The following MLIP variants were observed in gnomAD, a reference collection of about 807,000 sequenced individuals.
The protein encoded by MLIP is muscular LMNA interacting protein.
A neutral mutation model predicts 84.8 loss-of-function variants in MLIP; 79 were observed. That is an observed-to-expected ratio of 0.93 (90% CI 0.78 to 1.12). The LOEUF is 1.12. Among genes scored for constraint, MLIP ranks in the 50% most tolerant of loss-of-function variants. The probability of loss-of-function intolerance (pLI) is 0.00; values close to 1 mark genes in which losing one functional copy is unlikely to be tolerated. For missense variants in MLIP, 1,257 were observed against 1,160.6 expected, an observed-to-expected ratio of 1.08 and a Z score of -1.21; for synonymous variants, 504 against 463.0, an observed-to-expected ratio of 1.09 and a Z score of -1.14.
Position 54,124,516 on chromosome 6 carries a change from AAG to A in MLIP, c.304_305del (p.Asp102ProfsTer32). 16 of 1,614,188 alleles carry A rather than the reference AAG, an allele frequency of 9.9e-6. No homozygotes were observed. Among genetic ancestry groups the A allele is most frequent in the Non-Finnish European group, 1.4e-5 (16 of 1,180,022 alleles). ...TTGACCTTGAATGCTGGGAGCCAAC[AAG>A]AGAGAGACCAAGCGAAATTGACTTG... On this transcript the variant is annotated frameshift_variant, in exon 3 of 14. Coordinates refer to ENST00000502396, the MANE Select transcript of MLIP (RefSeq NM_001281747.2). LOFTEE classifies it high-confidence loss of function.
At chr6:54,249,820 G>A (rs971857014) in intron 12 of MLIP, among the ~76,000 whole-genome samples, 9 of 151,552 alleles carry the variant, frequency 5.9e-5, no homozygotes, top group Non-Finnish European at 1.3e-4. Flanking sequence ...TTTTAAGTTT[G>A]GGGGTCCATT....
rs1301743427 is a variant in MLIP, at chr6:54,220,660, ATAACATTTGTT to A, written c.2719-10052_2719-10042del. On this transcript the variant is annotated intron_variant, in intron 11 of 13. Coordinates refer to ENST00000502396, the MANE Select transcript of MLIP (RefSeq NM_001281747.2). ...ATAGATTTTAAAATATTCTCAGTTT[ATAACATTTGTT>A]TTCTAAATATGAAATATACAGAAAG... 1.6e-4 allele frequency among the ~76,000 whole-genome samples: 25 copies of A among 152,346 alleles called. No individual in the cohort carries two copies. In the East Asian group the frequency reaches 4.6e-3, roughly 28 times the overall value.
At chr6:54,146,210 C>T (rs1772816651) in intron 4 of MLIP, among the ~76,000 whole-genome samples, 5 of 152,100 alleles carry the variant, frequency 3.3e-5, no homozygotes, top group Admixed American at 2.6e-4. Context: ...TAATTCCAAC[C>T]TCCTTTCTTG....
At chr6:54,082,222 T>A (rs1270231391) in intron 1 of MLIP, among the ~76,000 whole-genome samples, 1 of 152,198 alleles carries the variant, frequency 6.6e-6, no homozygotes, top group African/African-American at 2.4e-5. Flanking sequence ...ATATATTATA[T>A]TTATTTATCT....
chr6:54,110,619 GT>G (rs1769382150), upstream of MLIP, among the ~76,000 whole-genome samples: 1 of 152,238 alleles, frequency 6.6e-6, no homozygotes, highest in Non-Finnish European at 1.5e-5. Context: ...CATAATCTAG[GT>G]TTCTAAAATA....
intron 1 of MLIP, among the ~76,000 whole-genome samples, chr6:54,039,979 G>A (rs1308641797): frequency 2.0e-5 from 3 of 151,964 alleles, no homozygotes; most frequent in African/African-American, 7.2e-5. Context: ...AATGCATTTG[G>A]CCTGAAAAAG....
At chr6:54,216,548 C>T (rs971957453) in intron 11 of MLIP, 5 of 984,418 alleles carry the variant, frequency 5.1e-6, no homozygotes, top group Non-Finnish European at 6.0e-6. Flanking sequence ...CAACCATACA[C>T]TTTAAGCACT....
Position 54,077,071 on chromosome 6 carries a change from C to A in MLIP, c.64-44376C>A, listed in dbSNP as rs527702124. 7.9e-5 allele frequency among the ~76,000 whole-genome samples: 12 copies of A among 152,248 alleles called. No individual in the cohort carries two copies. The East Asian group carries it at 2.1e-3, about 27-fold the overall frequency. Reference sequence around the variant, plus strand: ...CCTCAGCTTCATCAAATTTACTTTGCCTGTTGCTTTGCCAGATATTTTTAG... The same window carrying A: ...CCTCAGCTTCATCAAATTTACTTTGACTGTTGCTTTGCCAGATATTTTTAG... On this transcript the variant is annotated intron_variant, in intron 1 of 12. Coordinates refer to the MLIP transcript ENST00000274897.
chr6:54,163,208 T>C (rs1466481922), intron 8 of MLIP, among the ~76,000 whole-genome samples: 1 of 151,988 alleles, frequency 6.6e-6, no homozygotes, highest in Non-Finnish European at 1.5e-5. Flanking sequence ...ATATTTATAA[T>C]TTCTAATTCT....
chr6:54,095,735 G>A lies in MLIP; in HGVS notation c.64-25712G>A, dbSNP rs141320012. Among the ~76,000 whole-genome samples, 5 of 152,324 alleles carry A rather than the reference G, an allele frequency of 3.3e-5. No individual in the cohort carries two copies. In the East Asian group the frequency reaches 5.8e-4, roughly 18 times the overall value. On this transcript the variant is annotated intron_variant, in intron 1 of 12. Coordinates refer to the MLIP transcript ENST00000274897. The stretch of plus-strand genomic sequence containing the variant: ...GCTTCGAGTGAAAGAGCTTATGAGA[G>A]AAGAGTAAAAACAACAGCGGAAGCT...
At chr6:54,259,144 A>T (rs1400240367) in intron 13 of MLIP, among the ~76,000 whole-genome samples, 1 of 151,744 alleles carries the variant, frequency 6.6e-6, no homozygotes, top group African/African-American at 2.4e-5. Flanking sequence ...GCATTATCTT[A>T]TGCATTTATT....
intron 9 of MLIP, among the ~76,000 whole-genome samples, chr6:54,183,952 G>A (rs1196255034): frequency 3.3e-5 from 5 of 152,018 alleles, no homozygotes. Flanking sequence ...TGGATTCATT[G>A]TTTTGACCAG....
intron 4 of MLIP, among the ~76,000 whole-genome samples, chr6:54,142,970 CT>C (rs1176528309): frequency 6.6e-6 from 1 of 151,888 alleles, no homozygotes; most frequent in Non-Finnish European, 1.5e-5. Context: ...TTGTTTTTCT[CT>C]TTTTATCTCA....
chr6:54,171,313 C>A (rs904777495), intron 9 of MLIP, among the ~76,000 whole-genome samples: 2 of 151,578 alleles, frequency 1.3e-5, no homozygotes, highest in African/African-American at 2.4e-5. Context: ...TCAGTATAGG[C>A]TAGAACAAAT....
At chr6:54,172,695 C>T (rs1048904624) in intron 9 of MLIP, among the ~76,000 whole-genome samples, 6 of 150,326 alleles carry the variant, frequency 4.0e-5, no homozygotes, top group Non-Finnish European at 5.9e-5. Flanking sequence ...TGTTGAAAGA[C>T]TGACTTCTCT....
rs1465903480 is a variant in MLIP at position 54,136,827 on chromosome 6, C to G, written c.758C>G (p.Ala253Gly). 2 of 1,531,580 alleles carry G rather than the reference C, an allele frequency of 1.3e-6. No individual in the cohort carries two copies. The highest frequency in any genetic ancestry group is 1.4e-5 in the African/African-American group (1 of 73,054). 94.9% of individuals were successfully genotyped at this position (1,531,580 alleles called of 1,614,324 possible). ...TPPDPVNLEG[A>G]SVLEEFHTRR... ...CCCGACCCAGTTAACCTCGAGGGAG[C>G]CTCTGTCCTAGAGGAGTTCCACACT... Residue 253 changes from alanine to glycine, a missense_variant, in exon 4 of 14, where the codon GCC becomes GGC. Physicochemically the swap from Ala to Gly is moderately conservative, Grantham distance 60 (BLOSUM62 0). Coordinates refer to ENST00000502396, the MANE Select transcript of MLIP (RefSeq NM_001281747.2).
chr6:54,114,571 A>C (rs997872509), intron 1 of MLIP, among the ~76,000 whole-genome samples: 5 of 152,250 alleles, frequency 3.3e-5, no homozygotes, highest in Admixed American at 3.3e-4. Context: ...CTATTACTGC[A>C]GCAAACTACA....
chr6:54,136,439 A>C (rs1771801404), intron 3 of MLIP, among the ~76,000 whole-genome samples: 1 of 152,224 alleles, frequency 6.6e-6, no homozygotes, highest in Non-Finnish European at 1.5e-5. Flanking sequence ...AGATGCTGTC[A>C]ACGAATTATC....
intron 11 of MLIP, chr6:54,217,992 TTTG>T: frequency 1.0e-6 from 1 of 985,426 alleles, no homozygotes; most frequent in Non-Finnish European, 1.2e-6. Context: ...ATTAGTGTGT[TTTG>T]AAGCAAATCT....
Sources: allele counts gnomAD v4.1 joint callset (sites outside exome capture counted in the v4.1 genomes callset), GRCh38; gene constraint gnomAD v4.1.1; transcripts MANE v1.5; gene names NCBI Gene and HGNC (gene_info 2026-07-23, HGNC 2026-07-21).